P2RX6: variants seen among roughly 807,000 people sequenced by gnomAD.
The protein encoded by P2RX6 is purinergic receptor P2X 6, also known as P2X purinoceptor 6.
A neutral mutation model predicts 54.2 loss-of-function variants in P2RX6; 62 were observed. The observed-to-expected ratio is 1.14, with a 90% CI of 0.93 to 1.41. P2RX6 has a LOEUF of 1.41. Among genes scored for constraint, P2RX6 ranks in the 40% most tolerant of loss-of-function variants. The probability of loss-of-function intolerance (pLI) is 0.00; values close to 1 mark genes in which losing one functional copy is unlikely to be tolerated. For synonymous variants in P2RX6, 211 were observed against 231.9 expected (o/e 0.91, Z 0.82); for missense variants, 541 against 566.3 (o/e 0.96, Z 0.45).
intron 3 of P2RX6, among the ~76,000 whole-genome samples, chr22:21,020,885 C>G (rs1352341872): frequency 6.6e-6 from 1 of 151,618 alleles, no homozygotes; most frequent in South Asian, 2.1e-4. Flanking sequence ...CCAGGCCAAG[C>G]AGAATCTTAA....
In P2RX6 at chr22:21,026,814, C is replaced by G; in HGVS notation, c.*197C>G. 8.7e-7 allele frequency: 1 copy of G among 1,152,224 alleles called. No homozygotes were observed. Among genetic ancestry groups the G allele is most frequent in the Non-Finnish European group, 1.2e-6 (1 of 842,836 alleles). The allele number at this position is 1,152,224 out of a possible 1,614,324, so 71.4% of individuals were successfully genotyped here. A position where few individuals can be genotyped will look rare whatever the true frequency, so the allele number is the denominator to read the frequency against. ...AGAAGTCGGCTGTGTTTTGAGACGG[C>G]GACAGAACCTGACCCGTGGAGACTG... is the stretch of plus-strand genomic sequence containing the variant. On this transcript the variant is annotated 3_prime_UTR_variant, in exon 12 of 12. Transcript: ENST00000413302. The surrounding 1 kb of genome is among the most constrained non-coding windows in gnomAD (Gnocchi z 4.0).
Position 21,017,934 on chromosome 22 carries a change from G to A in P2RX6, c.316-55G>A, listed in dbSNP as rs771985093. The A allele has an allele frequency of 6.0e-6, 7 of 1,159,012 alleles. 1 individual carries two copies. The highest frequency in any genetic ancestry group is 1.9e-4 in the Middle Eastern group (1 of 5,218). 71.8% of individuals were successfully genotyped at this position (1,159,012 alleles called of 1,614,324 possible). Reference sequence around the variant, plus strand: ...CTCATAAACCAGGCTGCCGGCTTCCGGCCTTTCCAGTCAACACGAGCCCAG... The same window carrying A: ...CTCATAAACCAGGCTGCCGGCTTCCAGCCTTTCCAGTCAACACGAGCCCAG... On this transcript the variant is annotated intron_variant, in intron 2 of 11. Coordinates refer to ENST00000413302, the MANE Select transcript of P2RX6 (RefSeq NM_005446.5).
Position 21,026,238 on chromosome 22 carries a change from C to G in P2RX6, c.1051-14C>G, listed in dbSNP as rs780384552. 7.0e-6 allele frequency: 11 copies of G among 1,582,276 alleles called. No homozygotes were observed. The highest frequency in any genetic ancestry group is 9.4e-6 in the Non-Finnish European group (11 of 1,165,060). Reference sequence around the variant, plus strand: ...CTCGGGGGCTGGAACATGGGTTGGCCCTGCCTCTCCCAGGTCACCTTTTTC... The same window carrying G: ...CTCGGGGGCTGGAACATGGGTTGGCGCTGCCTCTCCCAGGTCACCTTTTTC... On this transcript the variant is annotated splice_polypyrimidine_tract_variant and intron_variant, in intron 10 of 11. Transcript: ENST00000413302. The surrounding 1 kb of genome is among the most constrained non-coding windows in gnomAD (Gnocchi z 4.0).
chr22:21,026,055 CG>C lies in P2RX6; in HGVS notation c.1033del (p.Ala345GlnfsTer134). The C allele has an allele frequency of 1.2e-6, 2 of 1,611,620 alleles. No homozygotes were observed. Among genetic ancestry groups the C allele is most frequent in the Admixed American group, 1.7e-5 (1 of 59,738 alleles). On this transcript the variant is annotated frameshift_variant, in exon 10 of 12. Coordinates refer to ENST00000413302, the MANE Select transcript of P2RX6 (RefSeq NM_005446.5). LOFTEE classifies it high-confidence loss of function. This position sits in a 1 kb window ranked among gnomAD's most constrained non-coding sequence, Gnocchi z 4.0. ...LIPTAVTLGT[G>X]AAWLGVVTFF... is the part of the protein sequence containing the mutation. ...TCCCCACGGCCGTCACACTGGGCAC[CG>C]GGGCAGCTTGGCTGGGCGTGGTGAG...
At chr22:21,010,738 C>T (rs1925694325), upstream of P2RX6, among the ~76,000 whole-genome samples, 2 of 152,140 alleles carry the variant, frequency 1.3e-5, no homozygotes, top group Non-Finnish European at 2.9e-5. Flanking sequence ...GGAATCCCAA[C>T]CATGTCTTCT....
At chr22:21,016,666 G>A (rs1323838650) in intron 2 of P2RX6, among the ~76,000 whole-genome samples, 1 of 151,836 alleles carries the variant, frequency 6.6e-6, no homozygotes, top group Non-Finnish European at 1.5e-5. Flanking sequence ...GAGTGTCCAG[G>A]ACTAATGGCT....
intron 3 of P2RX6, among the ~76,000 whole-genome samples, chr22:21,020,718 A>G (rs1011665422): frequency 3.3e-5 from 5 of 151,420 alleles, no homozygotes; most frequent in African/African-American, 4.9e-5. Context: ...CAGCCTCCCA[A>G]GTAGGTGGGA....
chr22:21,023,049 C>T lies in P2RX6; in HGVS notation c.557+14C>T. The T allele has an allele frequency of 1.2e-6, 2 of 1,612,058 alleles. No homozygotes were observed. The highest frequency in any genetic ancestry group is 1.7e-6 in the Non-Finnish European group (2 of 1,178,242). On this transcript the variant is annotated intron_variant, in intron 5 of 11. Transcript: ENST00000413302. ...CGTTGTGCCCTCGTAAGTGTCCCCA[C>T]AATCCCCTACCCCAACTGGCGCAGG...
intron 3 of P2RX6, among the ~76,000 whole-genome samples, chr22:21,019,294 A>G (rs544620268): frequency 1.3e-5 from 2 of 152,176 alleles, no homozygotes; most frequent in African/African-American, 2.4e-5. Flanking sequence ...GGAAATATGC[A>G]CAAAGGATTG....
chr22:21,015,064 G>A, upstream of P2RX6: 1 of 618,396 alleles, frequency 1.6e-6, no homozygotes, highest in Non-Finnish European at 2.7e-6. Flanking sequence ...TTGGAGGCTG[G>A]ATCTGGATCC....
At position 21,022,959 on chromosome 22, in the gene P2RX6, T is replaced by A. The variant is rs2106542; in HGVS notation, c.481T>A (p.Cys161Ser). 6.2e-7 allele frequency: 1 copy of A among 1,613,770 alleles called. No individual in the cohort carries two copies. Among genetic ancestry groups the A allele is most frequent in the Non-Finnish European group, 8.5e-7 (1 of 1,179,710 alleles). ...THSHGVKTGQ[C>S]VVFNGTHRTC... Reference sequence around the variant, plus strand: ...TTTTCTAGGTGTAAAAACAGGCCAGTGTGTGGTGTTCAATGGGACCCACAG... The same window carrying A: ...TTTTCTAGGTGTAAAAACAGGCCAGAGTGTGGTGTTCAATGGGACCCACAG... The change falls in exon 5 of 12, where the codon TGT becomes AGT. Residue 161 changes from cysteine to serine, a missense_variant. Physicochemically the swap from Cys to Ser is moderately radical, Grantham distance 112. This residue lies in a region of P2RX6 where 526 missense variants were observed against 531.5 expected (regional missense o/e 0.99). Coordinates refer to ENST00000413302, the MANE Select transcript of P2RX6 (RefSeq NM_005446.5).
At chr22:21,025,062 C>T (rs1392859192) in intron 8 of P2RX6, among the ~76,000 whole-genome samples, 1 of 149,478 alleles carries the variant, frequency 6.7e-6, no homozygotes, top group Non-Finnish European at 1.5e-5. Context: ...TGTGTTTTTA[C>T]TAGAGATGGG....
At chr22:21,024,518 C>T (rs2148075609) in intron 8 of P2RX6, among the ~76,000 whole-genome samples, 1 of 152,168 alleles carries the variant, frequency 6.6e-6, no homozygotes, top group African/African-American at 2.4e-5. Context: ...CCTCGTGATC[C>T]ACCTGCCTCA....
rs150946662 is a variant in P2RX6, at chr22:21,015,908, G to A, written c.165-34G>A. Reference sequence around the variant, plus strand: ...CTCCGCCCCTGTCACTACACGCTGGGGACACACCACACTGCCCGACTTCTC... The same window carrying A: ...CTCCGCCCCTGTCACTACACGCTGGAGACACACCACACTGCCCGACTTCTC... On this transcript the variant is annotated intron_variant, in intron 1 of 11. Transcript: ENST00000413302. 1,941 of 1,546,752 alleles carry A rather than the reference G, an allele frequency of 1.3e-3. 18 individuals are homozygous for A. The African/African-American group carries it at 0.022, about 18-fold the overall frequency.
At chr22:21,015,717 G>A (rs1926235122) in intron 1 of P2RX6, among the ~76,000 whole-genome samples, 1 of 152,130 alleles carries the variant, frequency 6.6e-6, no homozygotes, top group Non-Finnish European at 1.5e-5. Context: ...GTGCTGGCTA[G>A]TGAAGGTGAT....
chr22:21,018,236 C>T, intron 3 of P2RX6, 176 bp downstream of exon 3: 1 of 612,976 alleles, frequency 1.6e-6, no homozygotes, highest in Non-Finnish European at 3.0e-6. Context: ...TCACATATCC[C>T]CTGCCTGGTA....
chr22:21,010,792 C>T (rs1474653332), upstream of P2RX6, among the ~76,000 whole-genome samples: 30 of 152,082 alleles, frequency 2.0e-4, no homozygotes, highest in African/African-American at 7.2e-4. Context: ...CCACGGCCTA[C>T]AGCCCTGCAG....
chr22:21,020,913 C>T (rs1162738474), intron 3 of P2RX6, among the ~76,000 whole-genome samples: 1 of 151,728 alleles, frequency 6.6e-6, no homozygotes, highest in Admixed American at 6.6e-5. Context: ...TGGGGAGAAG[C>T]TGGTGAGCAG....
In P2RX6 at chr22:21,026,237, C is replaced by T; in HGVS notation, c.1051-15C>T. 1 of 1,580,152 alleles carries T rather than the reference C, an allele frequency of 6.3e-7. No individual in the cohort carries two copies. Among genetic ancestry groups the T allele is most frequent in the Non-Finnish European group, 8.6e-7 (1 of 1,163,926 alleles). On this transcript the variant is annotated splice_polypyrimidine_tract_variant and intron_variant, in intron 10 of 11. Coordinates refer to ENST00000413302, the MANE Select transcript of P2RX6 (RefSeq NM_005446.5). The surrounding 1 kb of genome is among the most constrained non-coding windows in gnomAD (Gnocchi z 4.0). ...GCTCGGGGGCTGGAACATGGGTTGG[C>T]CCTGCCTCTCCCAGGTCACCTTTTT... is the stretch of plus-strand genomic sequence containing the variant.
Sources: gnomAD v4.1 joint callset for allele counts (sites outside exome capture counted in the v4.1 genomes callset) on GRCh38, gnomAD v4.1.1 for gene constraint, gnomAD v4.1.1 regional missense constraint, Gnocchi (gnomAD v3.1) non-coding constraint, MANE v1.5 for transcripts, NCBI Gene and HGNC (gene_info 2026-07-23, HGNC 2026-07-21) for gene names.